FHIT: variants seen among roughly 807,000 people sequenced by gnomAD.
FHIT encodes bis(5'-adenosyl)-triphosphatase.
A neutral mutation model predicts 17.9 loss-of-function variants in FHIT; 19 were observed. That is an observed-to-expected ratio of 1.06 (90% CI 0.74 to 1.56). The LOEUF (loss-of-function observed/expected upper bound fraction) is 1.56, where lower values mean the gene tolerates loss of function less well. Among genes scored for constraint, FHIT ranks in the 40% most tolerant of loss-of-function variants. The probability of loss-of-function intolerance (pLI) is 0.00; values close to 1 mark genes in which losing one functional copy is unlikely to be tolerated. For missense variants in FHIT, 248 were observed against 189.2 expected (o/e 1.31, Z -1.82); for synonymous variants, 81 against 69.7 (o/e 1.16, Z -0.81).
intron 2 of FHIT, among the ~76,000 whole-genome samples, chr3:61,117,965 T>C (rs367666118): frequency 3.3e-5 from 5 of 152,258 alleles, no homozygotes; most frequent in African/African-American, 1.2e-4. Context: ...ACAAATCAGA[T>C]TCTATTTCAT....
chr3:61,112,879 A>C (rs1429671363), intron 2 of FHIT, among the ~76,000 whole-genome samples: 1 of 152,188 alleles, frequency 6.6e-6, no homozygotes, highest in Non-Finnish European at 1.5e-5. Context: ...TTTACCAAAC[A>C]AACAGTGCCT....
intron 7 of FHIT, among the ~76,000 whole-genome samples, chr3:59,933,936 T>C (rs1706097411): frequency 6.6e-6 from 1 of 152,160 alleles, no homozygotes; most frequent in Admixed American, 6.6e-5. Flanking sequence ...ATACCTTTCA[T>C]GAAACCTCCA....
At chr3:60,627,151 T>C (rs2039311535) in intron 4 of FHIT, among the ~76,000 whole-genome samples, 1 of 152,150 alleles carries the variant, frequency 6.6e-6, no homozygotes, top group South Asian at 2.1e-4. Context: ...TTCCTTGCAT[T>C]GTGATGTCTG....
At chr3:60,949,828 T>A (rs1178725344) in intron 3 of FHIT, among the ~76,000 whole-genome samples, 3 of 152,210 alleles carry the variant, frequency 2.0e-5, no homozygotes, top group Non-Finnish European at 2.9e-5. Context: ...AAAAAAGCTA[T>A]CTACAGGGAT....
chr3:59,905,112 C>G (rs752971764), intron 8 of FHIT, among the ~76,000 whole-genome samples: 2 of 152,208 alleles, frequency 1.3e-5, no homozygotes, highest in Non-Finnish European at 2.9e-5. Flanking sequence ...TGGGGACCCA[C>G]CCCTATCTGC....
intron 5 of FHIT, among the ~76,000 whole-genome samples, chr3:60,165,721 C>A (rs1338814055): frequency 6.6e-6 from 1 of 152,176 alleles, no homozygotes; most frequent in African/African-American, 2.4e-5. Flanking sequence ...TTTCCCCTTA[C>A]TCTCTCAAGG....
rs1242532901 is a variant in FHIT at position 60,383,321 on chromosome 3, A to T, written c.103+153539T>A. ...GATTACGATAATAACAATATTTTTT[A>T]AAATCACTGGAAACTTTAATTAGGT... On this transcript the variant is annotated intron_variant, in intron 5 of 9. Coordinates refer to ENST00000492590, the MANE Select transcript of FHIT (RefSeq NM_002012.4). 5.9e-5 allele frequency among the ~76,000 whole-genome samples: 9 copies of T among 152,272 alleles called. No homozygotes were observed. The East Asian group carries it at 1.7e-3, about 29-fold the overall frequency.
At chr3:60,469,041 C>T (rs1465100388) in intron 5 of FHIT, among the ~76,000 whole-genome samples, 1 of 152,098 alleles carries the variant, frequency 6.6e-6, no homozygotes. Flanking sequence ...TGCTGCCATA[C>T]ATTTTGGAGA....
At chr3:60,569,311 G>T (rs2037252894) in intron 4 of FHIT, among the ~76,000 whole-genome samples, 1 of 152,084 alleles carries the variant, frequency 6.6e-6, no homozygotes, top group South Asian at 2.1e-4. Context: ...GCCACCAAAG[G>T]ACACTGGCGT....
chr3:60,621,285 A>C lies in FHIT; in HGVS notation c.-17-84306T>G, dbSNP rs137983968. Among the ~76,000 whole-genome samples the C allele has an allele frequency of 4.1e-3, 619 of 151,068 alleles. 4 individuals carry two copies. The highest frequency in any genetic ancestry group is 0.018 in the South Asian group (86 of 4,778). ...TACCTCAGCCTCCCAAGTACCTGTG[A>C]TTACAGGTGCCCACGACTACGCCTA... On this transcript the variant is annotated intron_variant, in intron 4 of 9. Coordinates refer to ENST00000492590, the MANE Select transcript of FHIT (RefSeq NM_002012.4).
At chr3:60,903,412 A>G (rs1553763736) in intron 3 of FHIT, among the ~76,000 whole-genome samples, 1 of 152,238 alleles carries the variant, frequency 6.6e-6, no homozygotes, top group Non-Finnish European at 1.5e-5. Flanking sequence ...AGAGAACATA[A>G]AATACTTTTT....
At chr3:60,548,934 T>C (rs373251092) in intron 4 of FHIT, among the ~76,000 whole-genome samples, 4 of 152,208 alleles carry the variant, frequency 2.6e-5, no homozygotes, top group African/African-American at 7.2e-5. Context: ...TCCGATTGTA[T>C]CTTCTTTCCA....
chr3:59,897,942 A>T (rs1350233207), intron 8 of FHIT, among the ~76,000 whole-genome samples: 1 of 151,416 alleles, frequency 6.6e-6, no homozygotes. Flanking sequence ...AATTTTTTGT[A>T]TTTTTTAGTA....
At chr3:59,991,692 C>T (rs566516169) in intron 7 of FHIT, among the ~76,000 whole-genome samples, 1 of 152,156 alleles carries the variant, frequency 6.6e-6, no homozygotes, top group East Asian at 1.9e-4. Flanking sequence ...CAGACCCTGG[C>T]TCCTGAATCT....
At chr3:60,400,755 T>A (rs1024846075) in intron 5 of FHIT, among the ~76,000 whole-genome samples, 1 of 152,116 alleles carries the variant, frequency 6.6e-6, no homozygotes, top group Non-Finnish European at 1.5e-5. Flanking sequence ...CTGAAAAGAC[T>A]GAGGAACTTA....
chr3:60,714,169 C>T (rs1172901856), intron 4 of FHIT, among the ~76,000 whole-genome samples: 4 of 152,066 alleles, frequency 2.6e-5, no homozygotes, highest in East Asian at 3.9e-4. Context: ...ATAAACAGAA[C>T]CAAAGACAAA....
intron 8 of FHIT, among the ~76,000 whole-genome samples, chr3:59,884,252 T>A (rs1243272453): frequency 6.6e-6 from 1 of 152,254 alleles, no homozygotes; most frequent in Non-Finnish European, 1.5e-5. Flanking sequence ...GATTGGTGTA[T>A]ATTTTATGAT....
chr3:60,585,799 G>C (rs1201304512), intron 4 of FHIT, among the ~76,000 whole-genome samples: 1 of 151,782 alleles, frequency 6.6e-6, no homozygotes, highest in Admixed American at 6.6e-5. Flanking sequence ...TTCCCAAAGT[G>C]GGTTCTGTGA....
chr3:60,620,996 T>C lies in FHIT; in HGVS notation c.-17-84017A>G, dbSNP rs1312168386. Among the ~76,000 whole-genome samples, 3 of 152,080 alleles carry C rather than the reference T, an allele frequency of 2.0e-5. No homozygotes were observed. In the South Asian group the frequency reaches 6.2e-4, roughly 32 times the overall value. On this transcript the variant is annotated intron_variant, in intron 4 of 9. Transcript: ENST00000492590. The stretch of plus-strand genomic sequence containing the variant: ...ATTGATTTCTTAAAACCAAATAATA[T>C]ATAAATAGCCTTATAAAAAATGTCA...
Sources: allele counts gnomAD v4.1 joint callset (sites outside exome capture counted in the v4.1 genomes callset), GRCh38; gene constraint gnomAD v4.1.1; transcripts MANE v1.5; gene names NCBI Gene and HGNC (gene_info 2026-07-23, HGNC 2026-07-21).